RBM34: variants seen among roughly 807,000 people sequenced by gnomAD.
The protein encoded by RBM34 is RNA binding motif protein 34, also known as RNA-binding protein 34.
A neutral mutation model predicts 44.6 loss-of-function variants in RBM34; 39 were observed. The observed-to-expected ratio is 0.87, with a 90% CI of 0.68 to 1.14. The LOEUF (loss-of-function observed/expected upper bound fraction) is 1.14, where lower values mean the gene tolerates loss of function less well. RBM34 is among the 50% of genes most tolerant of loss of function. The pLI is 0.00. For synonymous variants in RBM34, 194 were observed against 184.0 expected (o/e 1.05, Z -0.44); for missense variants, 572 against 517.9 (o/e 1.10, Z -1.01).
At position 235,160,603 on chromosome 1, in the gene RBM34, T is replaced by A. The variant is rs1372842646; in HGVS notation, c.273A>T (p.Thr91=). The A allele has an allele frequency of 6.2e-7, 1 of 1,613,906 alleles. No individual in the cohort carries two copies. ...KTKRNEEEES[T]SQIERPLSQE... is the part of the protein sequence containing the mutation. ...GCGAAAGTGGTCTTTCAATCTGGGA[T>A]GTACTTTCTTCCTCCTCATTCCGTT... Residue 91 remains threonine (T), a synonymous_variant, in exon 3 of 11, where the codon ACA becomes ACT. Transcript: ENST00000408888.
At chr1:235,142,343 A>G (rs1234408970) in intron 6 of RBM34, among the ~76,000 whole-genome samples, 2 of 152,056 alleles carry the variant, frequency 1.3e-5, no homozygotes, top group African/African-American at 4.8e-5. Context: ...CAATGGCATG[A>G]TCTCGGCTCA....
intron 5 of RBM34, among the ~76,000 whole-genome samples, 156 bp from the exon 6 acceptor site, chr1:235,148,603 T>A (rs1288449008): frequency 1.3e-5 from 2 of 151,950 alleles, no homozygotes. Flanking sequence ...TAATTTTTTT[T>A]TTTTTTTCCT....
chr1:235,142,526 A>C (rs1661729983), intron 6 of RBM34, among the ~76,000 whole-genome samples: 1 of 151,480 alleles, frequency 6.6e-6, no homozygotes, highest in South Asian at 2.1e-4. Flanking sequence ...TGATCCGCCC[A>C]CCTTGACCTC....
chr1:235,131,574 T>C lies in RBM34; in HGVS notation c.*139A>G. The C allele has an allele frequency of 1.0e-6, 1 of 956,068 alleles. No homozygotes were observed. Among genetic ancestry groups the C allele is most frequent in the Non-Finnish European group, 1.5e-6 (1 of 649,580 alleles). 59.2% of individuals were successfully genotyped at this position (956,068 alleles called of 1,614,324 possible). On this transcript the variant is annotated 3_prime_UTR_variant, in exon 11 of 11. Coordinates refer to ENST00000408888, the MANE Select transcript of RBM34 (RefSeq NM_015014.4). The stretch of plus-strand genomic sequence containing the variant: ...TCACAATGTGAATAAACTGAGAATG[T>C]GGAAGTCTCCACATTTCACATACAC...
intron 6 of RBM34, among the ~76,000 whole-genome samples, chr1:235,141,666 T>G (rs111805398): frequency 1.3e-5 from 2 of 152,066 alleles, no homozygotes; most frequent in African/African-American, 4.8e-5. Context: ...GCTGCTTTTA[T>G]GAGCTGTAAC....
At chr1:235,153,553 T>C (rs1354741818) in intron 4 of RBM34, among the ~76,000 whole-genome samples, 2 of 151,826 alleles carry the variant, frequency 1.3e-5, no homozygotes, top group Non-Finnish European at 2.9e-5. Context: ...GCCTTCAAAG[T>C]AGCTGGGATT....
chr1:235,141,604 G>C (rs1422139353), intron 6 of RBM34, among the ~76,000 whole-genome samples: 1 of 152,104 alleles, frequency 6.6e-6, no homozygotes, highest in African/African-American at 2.4e-5. Flanking sequence ...TGGAAGCTTT[G>C]TCCTTTCACT....
In RBM34 at chr1:235,154,920, A is replaced by G; in HGVS notation, c.558T>C (p.Thr186=). 6.2e-7 allele frequency: 1 copy of G among 1,613,998 alleles called. No homozygotes were observed. The highest frequency in any genetic ancestry group is 1.1e-5 in the South Asian group (1 of 91,054). The part of the protein sequence containing the change: ...QEEERLKNER[T]VFVGNLPVTC... ...TAACAGGCAAATTCCCAACAAACACAGTTCTCTCATTCTTTAATCTCTCTT... is the reference window on the plus strand; with the variant it reads ...TAACAGGCAAATTCCCAACAAACACGGTTCTCTCATTCTTTAATCTCTCTT... The change falls in exon 4 of 11, where the codon ACT becomes ACC. Residue 186 remains threonine, a synonymous_variant. Coordinates refer to ENST00000408888, the MANE Select transcript of RBM34 (RefSeq NM_015014.4).
chr1:235,134,778 CTT>C (rs1223412102), intron 10 of RBM34, among the ~76,000 whole-genome samples: 1 of 145,222 alleles, frequency 6.9e-6, no homozygotes, highest in African/African-American at 2.5e-5. Flanking sequence ...GAGTTTTGCT[CTT>C]GTTGCCCAGG....
rs369285782 is a variant in RBM34, at chr1:235,155,106, G to A, written c.372C>T (p.Ser124=). 5.4e-4 allele frequency: 874 copies of A among 1,609,978 alleles called. 13 individuals are homozygous for A. The South Asian group carries it at 8.9e-3, about 16-fold the overall frequency. Residue 124 remains serine (S), a synonymous_variant, in exon 4 of 11, where the codon AGC becomes AGT. Coordinates refer to ENST00000408888, the MANE Select transcript of RBM34 (RefSeq NM_015014.4). ...NAEKKLADRE[S]ALASADLEEE... is the part of the protein sequence containing the mutation. ...CTTCTAAATCAGCACTCGCTAGAGC[G>A]CTTTCCCTTTTTAAGGCAAAAAATA...
At position 235,136,021 on chromosome 1, in the gene RBM34, T is replaced by A. The variant is rs761951692; in HGVS notation, c.889+13A>T. 6.4e-7 allele frequency: 1 copy of A among 1,555,862 alleles called. No homozygotes were observed. Among genetic ancestry groups the A allele is most frequent in the South Asian group, 1.1e-5 (1 of 87,786 alleles). ...TTAGTAATATTAACTGTACTTTGTT[T>A]AAACAAACTTACTATAAGGGAGATT... On this transcript the variant is annotated intron_variant, in intron 9 of 10. Transcript: ENST00000408888.
intron 3 of RBM34, 88 bp from the exon 4 acceptor site, chr1:235,155,200 A>C (rs1662346104): frequency 9.6e-7 from 1 of 1,039,686 alleles, no homozygotes; most frequent in Middle Eastern, 2.0e-4. Context: ...CCTCCCGACT[A>C]GAAATATTTC....
intron 10 of RBM34, among the ~76,000 whole-genome samples, chr1:235,134,936 G>C (rs1312325638): frequency 2.0e-5 from 3 of 151,368 alleles, no homozygotes; most frequent in Admixed American, 6.6e-5. Context: ...TAGAGATGGG[G>C]TTTCTCCATG....
At chr1:235,155,862 T>TATATACATAC (rs1662415043) in intron 3 of RBM34, among the ~76,000 whole-genome samples, 3 of 39,980 alleles carry the variant, frequency 7.5e-5, no homozygotes, top group Middle Eastern at 0.011. Context: ...TATATATATA[T>TATATACATAC]ATATACATAT....
At chr1:235,160,811 C>A (rs1404130017) in intron 2 of RBM34, 82 bp downstream of exon 2, 7 of 1,553,674 alleles carry the variant, frequency 4.5e-6, no homozygotes, top group Non-Finnish European at 6.1e-6. Context: ...TTAGAAATCA[C>A]GCTTCACGCG....
At chr1:235,161,115 G>T (rs986000462) in intron 1 of RBM34, 48 bp from the exon 2 acceptor site, 4 of 1,605,050 alleles carry the variant, frequency 2.5e-6, no homozygotes, top group South Asian at 1.1e-5. Context: ...CCACCGCTTC[G>T]CCAGCACGAG....
chr1:235,148,893 T>C (rs1662032862), intron 5 of RBM34, among the ~76,000 whole-genome samples: 1 of 151,748 alleles, frequency 6.6e-6, no homozygotes, highest in African/African-American at 2.4e-5. Context: ...CCACCACGGC[T>C]GGCCAATCAT....
intron 5 of RBM34, 163 bp downstream of exon 5, chr1:235,152,543 G>A: frequency 2.2e-6 from 3 of 1,367,526 alleles, no homozygotes; most frequent in Non-Finnish European, 2.8e-6. Flanking sequence ...AAGTTCAAGA[G>A]TCAGCAGTAG....
intron 3 of RBM34, among the ~76,000 whole-genome samples, chr1:235,159,802 G>A (rs1662617590): frequency 6.7e-6 from 1 of 149,942 alleles, no homozygotes; most frequent in South Asian, 2.1e-4. Context: ...CCGGGAGGTG[G>A]AGGTTGCAGT....
Sources: gnomAD v4.1 joint callset for allele counts (sites outside exome capture counted in the v4.1 genomes callset) on GRCh38, gnomAD v4.1.1 for gene constraint, MANE v1.5 for transcripts, NCBI Gene and HGNC (gene_info 2026-07-23, HGNC 2026-07-21) for gene names.